The following SLC1A1 variants were observed in gnomAD, a reference collection of about 807,000 sequenced individuals.
SLC1A1 encodes solute carrier family 1 member 1.
In SLC1A1, 43 loss-of-function variants were observed where a neutral mutation model predicts 53.3. The observed-to-expected ratio is 0.81, with a 90% CI of 0.63 to 1.04. The LOEUF (loss-of-function observed/expected upper bound fraction) is 1.04, where lower values mean the gene tolerates loss of function less well. Ranked by LOEUF, SLC1A1 falls within the 50% of genes least tolerant of loss-of-function variation. The pLI is 0.00. For missense variants in SLC1A1, 748 were observed against 664.9 expected (o/e 1.12, Z -1.37); for synonymous variants, 307 against 243.2 (o/e 1.26, Z -2.44).
chr9:4,554,639 T>A (rs1818210819), intron 2 of SLC1A1, among the ~76,000 whole-genome samples: 1 of 152,112 alleles, frequency 6.6e-6, no homozygotes, highest in Admixed American at 6.5e-5. Context: ...GAGGAGGGGA[T>A]GAGACAGGAA....
At chr9:4,532,603 T>G (rs1047628186) in intron 1 of SLC1A1, among the ~76,000 whole-genome samples, 1 of 152,136 alleles carries the variant, frequency 6.6e-6, no homozygotes, top group Admixed American at 6.5e-5. Flanking sequence ...TACCTGAAAG[T>G]GATGGGGAGA....
At position 4,553,428 on chromosome 9, in the gene SLC1A1, C is replaced by A. The variant is rs139972023; in HGVS notation, c.233-8021C>A. On this transcript the variant is annotated intron_variant, in intron 2 of 11. Transcript: ENST00000262352. ...TTGCCCAGGCTGGAGTGCAGTGGTGCGATCTCAGCTCACTTGCAACCTCCA... is the reference window on the plus strand; with the variant it reads ...TTGCCCAGGCTGGAGTGCAGTGGTGAGATCTCAGCTCACTTGCAACCTCCA... 955 of 132,842 alleles carry A rather than the reference C, an allele frequency of 7.2e-3. 12 individuals are homozygous for A. The highest frequency in any genetic ancestry group is 0.025 in the African/African-American group (881 of 35,014). 8.2% of individuals were successfully genotyped at this position (132,842 alleles called of 1,614,324 possible). A position where few individuals can be genotyped will look rare whatever the true frequency, so the allele number is the denominator to read the frequency against.
At chr9:4,546,288 C>G (rs1286837874) in intron 2 of SLC1A1, among the ~76,000 whole-genome samples, 1 of 152,188 alleles carries the variant, frequency 6.6e-6, no homozygotes, top group Non-Finnish European at 1.5e-5. Context: ...TGCCTGGTTC[C>G]TTTTAACCCT....
chr9:4,492,663 T>A (rs899806396), intron 1 of SLC1A1, among the ~76,000 whole-genome samples: 9 of 151,878 alleles, frequency 5.9e-5, no homozygotes, highest in African/African-American at 2.2e-4. Context: ...AGCGTGGTGG[T>A]GCACATCTGT....
At chr9:4,570,497 A>G (rs574208865) in intron 6 of SLC1A1, among the ~76,000 whole-genome samples, 9 of 151,878 alleles carry the variant, frequency 5.9e-5, no homozygotes, top group African/African-American at 2.2e-4. Flanking sequence ...CAGCCTCCCA[A>G]GCAGCTGGGA....
chr9:4,502,945 T>C (rs1483837556), intron 1 of SLC1A1, among the ~76,000 whole-genome samples: 1 of 151,734 alleles, frequency 6.6e-6, no homozygotes, highest in Non-Finnish European at 1.5e-5. Context: ...CTAGTGAAAC[T>C]CATCTAGTTG....
intron 2 of SLC1A1, among the ~76,000 whole-genome samples, chr9:4,557,664 C>T (rs1035350864): frequency 4.6e-5 from 7 of 151,958 alleles, no homozygotes; most frequent in African/African-American, 1.5e-4. Context: ...AAAATGAAAA[C>T]TCAGTTTGTC....
In SLC1A1 at chr9:4,576,035, A is replaced by C. The variant is rs778413248; in HGVS notation, c.910A>C (p.Ile304Leu). The C allele has an allele frequency of 6.2e-7, 1 of 1,613,944 alleles. No homozygotes were observed. Among genetic ancestry groups the C allele is most frequent in the Non-Finnish European group, 8.5e-7 (1 of 1,179,778 alleles). ...CCACTCCATTGTAATTCTCCCGCTG[A>C]TATATTTCATAGTCGTACGAAAGAA... is the stretch of plus-strand genomic sequence containing the variant. ...AIHSIVILPLIYFIVVRKNPF... is the reference protein window; with the variant it reads ...AIHSIVILPLLYFIVVRKNPF... The change falls in exon 9 of 12, where the codon ATA (isoleucine) becomes CTA (leucine). Residue 304 changes from isoleucine (I) to leucine (L), a missense_variant. Physicochemically the swap from Ile to Leu is conservative, Grantham distance 5 (BLOSUM62 2). Coordinates refer to ENST00000262352, the MANE Select transcript of SLC1A1 (RefSeq NM_004170.6).
At chr9:4,528,003 C>T (rs1265617438) in intron 1 of SLC1A1, among the ~76,000 whole-genome samples, 2 of 152,086 alleles carry the variant, frequency 1.3e-5, no homozygotes, top group South Asian at 2.1e-4. Flanking sequence ...GCATGTTATC[C>T]TCTGTGTTTA....
At chr9:4,511,849 G>A (rs981962321) in intron 1 of SLC1A1, among the ~76,000 whole-genome samples, 1 of 152,120 alleles carries the variant, frequency 6.6e-6, no homozygotes, top group African/African-American at 2.4e-5. Context: ...TAAATTTTAA[G>A]ACTAATAAGT....
intron 1 of SLC1A1, among the ~76,000 whole-genome samples, chr9:4,510,002 T>C (rs1024481751): frequency 1.3e-5 from 2 of 152,124 alleles, no homozygotes; most frequent in African/African-American, 4.8e-5. Flanking sequence ...CCTGGCTAAT[T>C]TTTTCATTTT....
intron 1 of SLC1A1, 111 bp downstream of exon 1, chr9:4,490,881 C>A (rs965201138): frequency 1.2e-6 from 1 of 824,846 alleles, no homozygotes; most frequent in South Asian, 1.6e-5. Flanking sequence ...CAGGGTCCCT[C>A]GATGCCCCCT....
At position 4,585,713 on chromosome 9, in the gene SLC1A1, C is replaced by T; in HGVS notation, c.*155C>T. 1.0e-6 allele frequency: 1 copy of T among 954,106 alleles called. No homozygotes were observed. Among genetic ancestry groups the T allele is most frequent in the Non-Finnish European group, 1.6e-6 (1 of 634,672 alleles). The allele number at this position is 954,106 out of a possible 1,614,324, so 59.1% of individuals were successfully genotyped here. On this transcript the variant is annotated 3_prime_UTR_variant, in exon 12 of 12. Coordinates refer to ENST00000262352, the MANE Select transcript of SLC1A1 (RefSeq NM_004170.6). ...TATTTTCTATATTTGGATTCACAGC[C>T]TTTGCGCTCTGGGTTTTGGGATTTG...
At chr9:4,501,887 G>C (rs183418772) in intron 1 of SLC1A1, among the ~76,000 whole-genome samples, 2 of 151,832 alleles carry the variant, frequency 1.3e-5, no homozygotes, top group Admixed American at 1.3e-4. Context: ...TTGTTCTATT[G>C]CTTAAGAGTT....
chr9:4,554,637 G>A (rs986062322), intron 2 of SLC1A1, among the ~76,000 whole-genome samples: 4 of 152,234 alleles, frequency 2.6e-5, no homozygotes, highest in African/African-American at 4.8e-5. Context: ...TGGAGGAGGG[G>A]ATGAGACAGG....
chr9:4,542,153 G>A (rs374795257), intron 1 of SLC1A1, among the ~76,000 whole-genome samples: 7 of 148,174 alleles, frequency 4.7e-5, no homozygotes, highest in African/African-American at 1.8e-4. Flanking sequence ...TTTTAGAAAG[G>A]AAAGGAGAGG....
intron 1 of SLC1A1, among the ~76,000 whole-genome samples, chr9:4,538,703 C>G (rs533872870): frequency 6.6e-6 from 1 of 152,310 alleles, no homozygotes; most frequent in South Asian, 2.1e-4. Context: ...GCTTTATGGA[C>G]TCCAGCATCT....
chr9:4,563,986 C>A (rs1415623953), intron 3 of SLC1A1, among the ~76,000 whole-genome samples: 1 of 152,166 alleles, frequency 6.6e-6, no homozygotes, highest in Admixed American at 6.5e-5. Context: ...CATCCTTACC[C>A]TAACACCTTC....
intron 2 of SLC1A1, among the ~76,000 whole-genome samples, chr9:4,546,212 G>A (rs1322861215): frequency 1.3e-5 from 2 of 152,034 alleles, no homozygotes; most frequent in African/African-American, 4.8e-5. Context: ...TGATGTTCTC[G>A]GCTTATGAGA....
Sources: allele counts gnomAD v4.1 joint callset (sites outside exome capture counted in the v4.1 genomes callset), GRCh38; gene constraint gnomAD v4.1.1; transcripts MANE v1.5; gene names NCBI Gene and HGNC (gene_info 2026-07-23, HGNC 2026-07-21).